Variants in SLC10A7 observed in about 807,000 individuals in gnomAD.
SLC10A7 encodes sodium/bile acid cotransporter 7.
Under a neutral mutation model 43.2 loss-of-function variants are expected in SLC10A7, and 29 were observed. That is an observed-to-expected ratio of 0.67 (90% CI 0.50 to 0.92). The LOEUF is 0.92. SLC10A7 is among the 40% of genes least tolerant of loss of function. The pLI, the probability that SLC10A7 is intolerant of heterozygous loss-of-function variation, is 0.00. For synonymous variants in SLC10A7, 152 were observed against 144.8 expected (o/e 1.05, Z -0.35); for missense variants, 295 against 403.2 (o/e 0.73, Z 2.30).
At chr4:146,478,530 T>C (rs1734217474) in intron 4 of SLC10A7, among the ~76,000 whole-genome samples, 1 of 152,218 alleles carries the variant, frequency 6.6e-6, no homozygotes, top group African/African-American at 2.4e-5. Flanking sequence ...AGCAGAAAGT[T>C]GTGGGGAAAA....
intron 5 of SLC10A7, among the ~76,000 whole-genome samples, chr4:146,342,136 T>G (rs1560815633): frequency 1.3e-5 from 2 of 151,844 alleles, no homozygotes; most frequent in Non-Finnish European, 1.5e-5. Context: ...TACACAGTAT[T>G]CTGTACATAG....
chr4:146,436,059 TCATTATTAAAATAAAAAAAAAAG>T (rs1730185293), intron 5 of SLC10A7, among the ~76,000 whole-genome samples: 1 of 151,936 alleles, frequency 6.6e-6, no homozygotes, highest in Admixed American at 6.5e-5. Context: ...AAAAAATCCA[TCATTATTAAAATAAAAAAAAAAG>T]TTGCTTCAGC....
chr4:146,399,066 C>T (rs984896575), intron 5 of SLC10A7, among the ~76,000 whole-genome samples: 2 of 152,070 alleles, frequency 1.3e-5, no homozygotes, highest in African/African-American at 4.8e-5. Context: ...AGCACTAGGG[C>T]GGTATTCAGG....
intron 5 of SLC10A7, among the ~76,000 whole-genome samples, chr4:146,381,313 G>C (rs1476995862): frequency 6.6e-6 from 1 of 152,110 alleles, no homozygotes; most frequent in Non-Finnish European, 1.5e-5. Flanking sequence ...GTTAATTAGA[G>C]GAGCTATGTG....
chr4:146,482,804 G>A (rs1163782103), intron 4 of SLC10A7, among the ~76,000 whole-genome samples: 3 of 152,108 alleles, frequency 2.0e-5, no homozygotes, highest in Non-Finnish European at 4.4e-5. Context: ...TAATCAAACT[G>A]TCAAAAGTCA....
chr4:146,382,072 A>C (rs1374118990), intron 5 of SLC10A7, among the ~76,000 whole-genome samples: 2 of 152,066 alleles, frequency 1.3e-5, no homozygotes, highest in Admixed American at 6.6e-5. Context: ...AAAAAAATCT[A>C]ATCTGACAAA....
chr4:146,345,692 C>G (rs1344868028), intron 5 of SLC10A7, among the ~76,000 whole-genome samples: 1 of 152,052 alleles, frequency 6.6e-6, no homozygotes. Flanking sequence ...TTCATTAATG[C>G]CTGCGTCTCC....
At chr4:146,432,776 A>T (rs752140824) in intron 5 of SLC10A7, among the ~76,000 whole-genome samples, 2 of 152,202 alleles carry the variant, frequency 1.3e-5, no homozygotes, top group Non-Finnish European at 2.9e-5. Context: ...GCGGTGGCTC[A>T]TGCCTGTAAT....
intron 10 of SLC10A7, among the ~76,000 whole-genome samples, chr4:146,275,015 G>A (rs926630028): frequency 1.3e-5 from 2 of 152,122 alleles, no homozygotes; most frequent in Non-Finnish European, 2.9e-5. Flanking sequence ...CTGGGTACAT[G>A]AGCTAGCACA....
intron 5 of SLC10A7, among the ~76,000 whole-genome samples, chr4:146,373,388 A>C (rs1175088768): frequency 6.6e-6 from 1 of 150,732 alleles, no homozygotes; most frequent in Non-Finnish European, 1.5e-5. Context: ...GTGGGACGAT[A>C]GCTTGAGCCC....
chr4:146,328,066 C>T (rs1336536844), intron 5 of SLC10A7, among the ~76,000 whole-genome samples: 3 of 152,218 alleles, frequency 2.0e-5, no homozygotes, highest in Admixed American at 6.5e-5. Context: ...CCTGTGCACA[C>T]CATTGGGAGG....
At chr4:146,399,322 T>A (rs1281273048) in intron 5 of SLC10A7, among the ~76,000 whole-genome samples, 2 of 152,120 alleles carry the variant, frequency 1.3e-5, no homozygotes, top group Non-Finnish European at 2.9e-5. Context: ...GCTTACTGGT[T>A]GGGATAAGGA....
At chr4:146,258,612 G>A (rs889537935) in intron 11 of SLC10A7, 80 bp downstream of exon 11, 9 of 1,377,060 alleles carry the variant, frequency 6.5e-6, no homozygotes, top group Admixed American at 2.8e-5. Flanking sequence ...AAGCAAAATC[G>A]AAAGTGTATG....
At chr4:146,424,704 A>C (rs1398189932) in intron 5 of SLC10A7, among the ~76,000 whole-genome samples, 4 of 152,078 alleles carry the variant, frequency 2.6e-5, no homozygotes, top group African/African-American at 9.7e-5. Context: ...AAAAAACAGA[A>C]GAAACCATGA....
intron 6 of SLC10A7, among the ~76,000 whole-genome samples, chr4:146,324,315 A>G (rs555225714): frequency 2.0e-5 from 3 of 152,294 alleles, no homozygotes; most frequent in Admixed American, 6.5e-5. Flanking sequence ...CAGAATTGGA[A>G]AAAACTACTT....
chr4:146,284,393 T>G (rs1395380635), intron 9 of SLC10A7, among the ~76,000 whole-genome samples: 1 of 152,106 alleles, frequency 6.6e-6, no homozygotes, highest in African/African-American at 2.4e-5. Context: ...CCTAAATAGA[T>G]CCCACATCCT....
At chr4:146,478,675 G>A (rs1374613386) in intron 4 of SLC10A7, among the ~76,000 whole-genome samples, 2 of 152,158 alleles carry the variant, frequency 1.3e-5, no homozygotes, top group African/African-American at 4.8e-5. Context: ...ACAGTTGCAT[G>A]CTTCCCATTA....
chr4:146,441,965 A>T, intron 5 of SLC10A7: 1 of 981,788 alleles, frequency 1.0e-6, no homozygotes, highest in Non-Finnish European at 1.2e-6. Flanking sequence ...TTTATACATC[A>T]CTGATTTTAC....
chr4:146,373,530 G>C (rs904377238), intron 5 of SLC10A7, among the ~76,000 whole-genome samples: 3 of 150,812 alleles, frequency 2.0e-5, no homozygotes, highest in Non-Finnish European at 4.4e-5. Context: ...AAAATTCAAG[G>C]GCTGGCAATG....
Sources: allele counts gnomAD v4.1 joint callset (sites outside exome capture counted in the v4.1 genomes callset), GRCh38; gene constraint gnomAD v4.1.1; transcripts MANE v1.5; gene names NCBI Gene and HGNC (gene_info 2026-07-23, HGNC 2026-07-21).